Variants in EXO1 observed in about 807,000 individuals in gnomAD.
EXO1 encodes the protein exonuclease 1.
EXO1 carries 69 observed loss-of-function variants against 84.5 expected under a neutral mutation model. The ratio of observed to expected loss-of-function variants is 0.82; its 90% CI spans 0.67 to 1.00. EXO1 has a LOEUF of 1.00. Among genes scored for constraint, EXO1 ranks in the 50% least tolerant of loss-of-function variants. EXO1 has a pLI of 0.00. For missense variants in EXO1, 1,045 were observed against 1,000.7 expected, an observed-to-expected ratio of 1.04 and a Z score of -0.60; for synonymous variants, 373 against 366.1, an observed-to-expected ratio of 1.02 and a Z score of -0.21.
intron 3 of EXO1, among the ~76,000 whole-genome samples, chr1:241,850,010 G>A (rs1029437905): frequency 3.3e-5 from 5 of 152,210 alleles, no homozygotes; most frequent in Admixed American, 3.3e-4. Context: ...GGCCGGGCGC[G>A]GTGGCTCACG....
At chr1:241,858,437 TATTG>T (rs1205714246) in intron 7 of EXO1, 65 bp from the exon 8 acceptor site, 1 of 919,072 alleles carries the variant, frequency 1.1e-6, no homozygotes, top group Non-Finnish European at 1.8e-6. Flanking sequence ...TTCTTAAAAT[TATTG>T]CAGTGGATTA....
chr1:241,850,019 C>G (rs1306574710), intron 3 of EXO1, among the ~76,000 whole-genome samples: 1 of 152,230 alleles, frequency 6.6e-6, no homozygotes, highest in Non-Finnish European at 1.5e-5. Flanking sequence ...CGGTGGCTCA[C>G]GCCTGTAATC....
At position 241,878,817 on chromosome 1, in the gene EXO1, C is replaced by G; in HGVS notation, c.1583C>G (p.Thr528Ser). The change falls in exon 13 of 16, where the codon ACT (threonine) becomes AGT (serine). Residue 528 changes from threonine (T) to serine (S), a missense_variant. By Grantham distance (58) the Thr-to-Ser change is moderately conservative (BLOSUM62 1). Transcript: ENST00000366548. ...GTGAGCATCCAGCCTCTGGATGAAA[C>G]TGCTGTCACAGATAAAGAGAACAAT... ...NKVSIQPLDE[T>S]AVTDKENNLH... 17 of 1,614,014 alleles carry G rather than the reference C, an allele frequency of 1.1e-5. No individual in the cohort carries two copies. The highest frequency in any genetic ancestry group is 1.4e-5 in the Non-Finnish European group (16 of 1,179,970).
intron 10 of EXO1, among the ~76,000 whole-genome samples, 180 bp downstream of exon 10, chr1:241,861,682 T>A (rs1376412257): frequency 6.6e-6 from 1 of 152,194 alleles, no homozygotes; most frequent in Non-Finnish European, 1.5e-5. Flanking sequence ...CATAGGTATA[T>A]TGGTTAATTT....
intron 6 of EXO1, among the ~76,000 whole-genome samples, chr1:241,854,981 G>C (rs1276575108): frequency 6.6e-6 from 1 of 152,078 alleles, no homozygotes; most frequent in Non-Finnish European, 1.5e-5. Flanking sequence ...TCGCGGTCTT[G>C]CTGGCTTTAG....
intron 8 of EXO1, among the ~76,000 whole-genome samples, chr1:241,860,118 A>G (rs1255626620): frequency 6.6e-6 from 1 of 152,208 alleles, no homozygotes; most frequent in Non-Finnish European, 1.5e-5. Flanking sequence ...AGAAATCAGA[A>G]TGTCAACTTG....
intron 6 of EXO1, among the ~76,000 whole-genome samples, chr1:241,854,200 C>T (rs1411420477): frequency 2.6e-5 from 4 of 152,168 alleles, no homozygotes; most frequent in South Asian, 2.1e-4. Context: ...TGCAATGGCA[C>T]GATGTGGGCT....
Position 241,889,701 on chromosome 1 carries a change from T to C in EXO1, c.*101T>C. On this transcript the variant is annotated 3_prime_UTR_variant, in exon 16 of 16. Transcript: ENST00000366548. ...TATCAGCATGAAGAATTTTTTCTCA[T>C]TCTGTGCCATTTTAAAAATAGAATA... 1 of 1,133,246 alleles carries C rather than the reference T, an allele frequency of 8.8e-7. No individual in the cohort carries two copies. The highest frequency in any genetic ancestry group is 1.3e-6 in the Non-Finnish European group (1 of 747,270). 70.2% of individuals were successfully genotyped at this position (1,133,246 alleles called of 1,614,324 possible).
chr1:241,853,262 C>A, intron 5 of EXO1, 96 bp from the exon 6 acceptor site: 1 of 1,404,356 alleles, frequency 7.1e-7, no homozygotes, highest in Non-Finnish European at 1.0e-6. Flanking sequence ...AAACTTTTTT[C>A]AGTTCTAGGA....
intron 6 of EXO1, among the ~76,000 whole-genome samples, chr1:241,855,618 C>T (rs1252548268): frequency 6.6e-6 from 1 of 152,188 alleles, no homozygotes; most frequent in Non-Finnish European, 1.5e-5. Context: ...AGACTGGGCG[C>T]CGTGGAGCAG....
intron 10 of EXO1, among the ~76,000 whole-genome samples, chr1:241,863,924 TCTA>T (rs777527479): frequency 1.2e-3 from 180 of 152,360 alleles, no homozygotes; most frequent in South Asian, 1.9e-3. Context: ...ATTCTTTACT[TCTA>T]CTATCATATT....
At chr1:241,885,693 A>G in intron 15 of EXO1, 186 bp downstream of exon 15, 2 of 596,332 alleles carry the variant, frequency 3.4e-6, no homozygotes, top group South Asian at 3.3e-5. Flanking sequence ...CCTTCTTTTC[A>G]TAAAAAGATG....
chr1:241,871,291 G>T (rs1662077109), intron 11 of EXO1, among the ~76,000 whole-genome samples: 1 of 152,070 alleles, frequency 6.6e-6, no homozygotes, highest in Admixed American at 6.6e-5. Flanking sequence ...CTGGTATTTT[G>T]GTAACCCCAA....
chr1:241,888,267 G>C (rs912289315), intron 15 of EXO1, among the ~76,000 whole-genome samples: 1 of 152,124 alleles, frequency 6.6e-6, no homozygotes, highest in African/African-American at 2.4e-5. Context: ...AAAATGTAAA[G>C]TATACCAAAG....
chr1:241,868,871 C>T (rs1661911962), intron 11 of EXO1, among the ~76,000 whole-genome samples: 1 of 152,044 alleles, frequency 6.6e-6, no homozygotes, highest in South Asian at 2.1e-4. Flanking sequence ...ATAGTATTTT[C>T]AGTTTTGTTT....
At chr1:241,866,279 A>G (rs535236411) in intron 10 of EXO1, among the ~76,000 whole-genome samples, 1 of 152,170 alleles carries the variant, frequency 6.6e-6, no homozygotes, top group East Asian at 1.9e-4. Context: ...ACACCTGGCT[A>G]ATTTTTGTAC....
At chr1:241,849,061 G>GT (rs1660504265) in intron 2 of EXO1, 34 bp downstream of exon 2, 1 of 152,166 alleles carries the variant, frequency 6.6e-6, no homozygotes. Context: ...TGTGGCTTGA[G>GT]GACCACCTGC....
rs748480959 is a variant in EXO1 at position 241,885,456 on chromosome 1, C to T, written c.2354C>T (p.Pro785Leu). 1.3e-5 allele frequency: 21 copies of T among 1,613,530 alleles called. No homozygotes were observed. Among genetic ancestry groups the T allele is most frequent in the Admixed American group, 1.0e-4 (6 of 59,972 alleles). ...KRKHHNAENK[P>L]GLQIKLNELW... ...AAGCATCATAATGCCGAGAACAAGC[C>T]GGGGTTACAGATCAAACTCAATGAG... is the stretch of plus-strand genomic sequence containing the variant. Residue 785 changes from proline (P) to leucine (L), a missense_variant, in exon 15 of 16, where the codon CCG becomes CTG. Transcript: ENST00000366548.
At chr1:241,889,114 A>G (rs1663236717) in intron 15 of EXO1, among the ~76,000 whole-genome samples, 2 of 152,124 alleles carry the variant, frequency 1.3e-5, no homozygotes, top group South Asian at 4.1e-4. Flanking sequence ...GGGCTTAACC[A>G]TTTGTTCCTG....
Sources: gnomAD v4.1 joint callset for allele counts (sites outside exome capture counted in the v4.1 genomes callset) on GRCh38, gnomAD v4.1.1 for gene constraint, MANE v1.5 for transcripts, NCBI Gene and HGNC (gene_info 2026-07-23, HGNC 2026-07-21) for gene names.